BMPR1B: variants seen among roughly 807,000 people sequenced by gnomAD.
The protein encoded by BMPR1B is bone morphogenetic protein receptor type 1B.
BMPR1B carries 12 observed loss-of-function variants against 59.1 expected under a neutral mutation model. The ratio of observed to expected loss-of-function variants is 0.20; its 90% CI spans 0.13 to 0.33. The LOEUF is 0.33. Among genes scored for constraint, BMPR1B ranks in the 10% least tolerant of loss-of-function variants. BMPR1B has a pLI of 1.00. For missense variants in BMPR1B, 550 were observed against 610.9 expected (o/e 0.90, Z 1.05); for synonymous variants, 237 against 207.3 (o/e 1.14, Z -1.23).
Position 95,155,736 on chromosome 4 carries a change from AGT to A in BMPR1B, c.*1067_*1068del, listed in dbSNP as rs1735377707. The stretch of plus-strand genomic sequence containing the variant: ...CCAATCTCAGAAGCACAAAGAAAAA[AGT>A]GTGCATACCTTATTTTGTACAGATA... On this transcript the variant is annotated 3_prime_UTR_variant, in exon 13 of 13. Transcript: ENST00000515059. 2 of 152,074 alleles carry A rather than the reference AGT, an allele frequency of 1.3e-5. No individual in the cohort carries two copies. The highest frequency in any genetic ancestry group is 4.2e-4 in the South Asian group (2 of 4,814). 9.4% of individuals were successfully genotyped at this position (152,074 alleles called of 1,614,324 possible).
At chr4:94,800,280 G>A (rs1346884256) in intron 1 of BMPR1B, among the ~76,000 whole-genome samples, 1 of 152,138 alleles carries the variant, frequency 6.6e-6, no homozygotes, top group Admixed American at 6.6e-5. Context: ...ATTCAGATGT[G>A]AGATTTTGTA....
intron 10 of BMPR1B, among the ~76,000 whole-genome samples, chr4:95,136,715 T>G (rs1188621889): frequency 6.6e-6 from 1 of 152,222 alleles, no homozygotes; most frequent in Non-Finnish European, 1.5e-5. Flanking sequence ...TATAGTATTC[T>G]CTGATGTTAG....
At position 95,154,873 on chromosome 4, in the gene BMPR1B, C is replaced by T. The variant is rs1735305083; in HGVS notation, c.*200C>T. On this transcript the variant is annotated 3_prime_UTR_variant, in exon 13 of 13. Coordinates refer to ENST00000515059, the MANE Select transcript of BMPR1B (RefSeq NM_001203.3). ...CCCAGAAGGAGAGATTGATCCATGTCTGTTTGTAGGACGGAGAAACCGCTT... is the reference window on the plus strand; with the variant it reads ...CCCAGAAGGAGAGATTGATCCATGTTTGTTTGTAGGACGGAGAAACCGCTT... 7.7e-6 allele frequency: 5 copies of T among 650,514 alleles called. No individual in the cohort carries two copies. The highest frequency in any genetic ancestry group is 1.3e-5 in the Non-Finnish European group (5 of 387,910). 40.3% of individuals were successfully genotyped at this position (650,514 alleles called of 1,614,324 possible).
chr4:94,896,779 A>G (rs1727604489), intron 2 of BMPR1B, among the ~76,000 whole-genome samples: 1 of 152,004 alleles, frequency 6.6e-6, no homozygotes, highest in African/African-American at 2.4e-5. Context: ...ATATGTGACT[A>G]TTTTAGAAAA....
At chr4:94,903,182 A>G (rs182407180) in intron 2 of BMPR1B, among the ~76,000 whole-genome samples, 1 of 152,198 alleles carries the variant, frequency 6.6e-6, no homozygotes, top group Non-Finnish European at 1.5e-5. Flanking sequence ...CTTGCCTTCT[A>G]GAACTTAGGG....
At chr4:94,865,829 A>G (rs772075369) in intron 1 of BMPR1B, among the ~76,000 whole-genome samples, 6 of 152,184 alleles carry the variant, frequency 3.9e-5, no homozygotes, top group Non-Finnish European at 5.9e-5. Context: ...TAACAGACTC[A>G]TTGAAAAACA....
chr4:95,026,827 T>A (rs1724454655), intron 3 of BMPR1B, among the ~76,000 whole-genome samples: 1 of 151,296 alleles, frequency 6.6e-6, no homozygotes, highest in Non-Finnish European at 1.5e-5. Flanking sequence ...AGTGACATGA[T>A]CTAGCTCACT....
intron 2 of BMPR1B, among the ~76,000 whole-genome samples, chr4:94,973,780 T>C (rs1192762123): frequency 6.6e-6 from 1 of 152,190 alleles, no homozygotes; most frequent in African/African-American, 2.4e-5. Context: ...TAGAACCCAG[T>C]TGATAGTAGG....
At chr4:95,096,702 T>C (rs1019901997) in intron 3 of BMPR1B, among the ~76,000 whole-genome samples, 4 of 138,512 alleles carry the variant, frequency 2.9e-5, no homozygotes, top group Admixed American at 2.3e-4. Context: ...TATAACTATA[T>C]AATTATATAG....
intron 1 of BMPR1B, among the ~76,000 whole-genome samples, chr4:94,777,393 T>C (rs767944278): frequency 6.6e-6 from 1 of 152,154 alleles, no homozygotes; most frequent in Non-Finnish European, 1.5e-5. Flanking sequence ...ACAGGAGTTT[T>C]TACTGCTTAC....
chr4:95,139,387 G>C (rs975225867), intron 10 of BMPR1B, among the ~76,000 whole-genome samples: 15 of 152,200 alleles, frequency 9.9e-5, no homozygotes, highest in African/African-American at 3.6e-4. Context: ...GAGGCAGTCT[G>C]TCCGTTCTCA....
Position 95,071,648 on chromosome 4 carries a change from G to GTA in BMPR1B, c.-17-32759_-17-32758insAT, listed in dbSNP as rs1553933769. Among the ~76,000 whole-genome samples, 387 of 104,718 alleles carry GTA rather than the reference G, an allele frequency of 3.7e-3. 3 individuals carry two copies. Among genetic ancestry groups the GTA allele is most frequent in the African/African-American group, 0.014 (345 of 25,128 alleles). 68.7% of individuals were successfully genotyped at this position (104,718 alleles called of 152,430 possible). Reference sequence around the variant, plus strand: ...TATGTGTGTTTGTGTGTGTGTGTGTGTGTGTATATATATATATATATATAT... The same window carrying GTA: ...TATGTGTGTTTGTGTGTGTGTGTGTGTATGTGTATATATATATATATATATAT... On this transcript the variant is annotated intron_variant, in intron 3 of 12. Transcript: ENST00000515059.
rs539004566 is a variant in BMPR1B at position 95,115,858 on chromosome 4, G to T, written c.349+71G>T. 2,366 of 1,372,512 alleles carry T rather than the reference G, an allele frequency of 1.7e-3. 37 individuals are homozygous for T. The South Asian group carries it at 0.02, about 12-fold the overall frequency. The allele number at this position is 1,372,512 out of a possible 1,614,324, so 85.0% of individuals were successfully genotyped here. A position where few individuals can be genotyped will look rare whatever the true frequency, so the allele number is the denominator to read the frequency against. On this transcript the variant is annotated intron_variant, in intron 6 of 12. Coordinates refer to ENST00000515059, the MANE Select transcript of BMPR1B (RefSeq NM_001203.3). ...AAAATAAAAACTAAAAACTAGAATC[G>T]TTCTCTCTCAATCTACCTGTACCAC...
intron 1 of BMPR1B, among the ~76,000 whole-genome samples, chr4:94,794,999 A>T (rs1430777134): frequency 6.9e-6 from 1 of 144,782 alleles, no homozygotes; most frequent in African/African-American, 2.6e-5. Flanking sequence ...TTCCTAATTG[A>T]ATACCCTTTA....
intron 2 of BMPR1B, among the ~76,000 whole-genome samples, chr4:94,970,712 C>T (rs11722010): frequency 0.5 from 76,434 of 151,950 alleles, 19,598 homozygotes; most frequent in South Asian, 0.6. Context: ...GATAGCATCA[C>T]ACAATGTGTA....
At chr4:94,844,312 C>A (rs950240088) in intron 1 of BMPR1B, among the ~76,000 whole-genome samples, 2 of 151,558 alleles carry the variant, frequency 1.3e-5, no homozygotes, top group Non-Finnish European at 2.9e-5. Flanking sequence ...GTGCCCAGCT[C>A]CCTCTGTTAC....
intron 3 of BMPR1B, among the ~76,000 whole-genome samples, chr4:95,099,110 C>T (rs149920827): frequency 2.6e-5 from 4 of 152,222 alleles, no homozygotes; most frequent in African/African-American, 7.2e-5. Flanking sequence ...TTTAAGCACA[C>T]GTGTAAACAT....
intron 1 of BMPR1B, among the ~76,000 whole-genome samples, chr4:94,761,415 C>G (rs1378351137): frequency 2.1e-5 from 3 of 141,278 alleles, no homozygotes; most frequent in African/African-American, 2.6e-5. Context: ...CTGTATAATT[C>G]TGTGTGTGTG....
At chr4:95,148,684 C>A in intron 10 of BMPR1B, 64 bp from the exon 11 acceptor site, 1 of 1,520,184 alleles carries the variant, frequency 6.6e-7, no homozygotes, top group Non-Finnish European at 9.1e-7. Context: ...GTTTCAGAAT[C>A]ACCTTGATTC....
Sources: gnomAD v4.1 joint callset for allele counts (sites outside exome capture counted in the v4.1 genomes callset) on GRCh38, gnomAD v4.1.1 for gene constraint, MANE v1.5 for transcripts, NCBI Gene and HGNC (gene_info 2026-07-23, HGNC 2026-07-21) for gene names.